The following GRID1 variants were observed in gnomAD, a reference collection of about 807,000 sequenced individuals.
GRID1 encodes the protein glutamate ionotropic receptor delta type subunit 1.
GRID1 carries 28 observed loss-of-function variants against 98.0 expected under a neutral mutation model. The observed-to-expected ratio is 0.29, with a 90% CI of 0.21 to 0.39. The LOEUF (loss-of-function observed/expected upper bound fraction) is 0.39, where lower values mean the gene tolerates loss of function less well. GRID1 is among the 10% of genes least tolerant of loss of function. The pLI, the probability that GRID1 is intolerant of heterozygous loss-of-function variation, is 1.00. For synonymous variants in GRID1, 553 were observed against 538.5 expected, an observed-to-expected ratio of 1.03 and a Z score of -0.37; for missense variants, 1,111 against 1,340.5, an observed-to-expected ratio of 0.83 and a Z score of 2.67.
chr10:85,818,968 G>A (rs1417040591), intron 8 of GRID1, among the ~76,000 whole-genome samples: 3 of 152,046 alleles, frequency 2.0e-5, no homozygotes, highest in African/African-American at 4.8e-5. Flanking sequence ...TGATCCGCCC[G>A]CCTCAGCCTC....
intron 8 of GRID1, among the ~76,000 whole-genome samples, chr10:85,812,038 T>A (rs1001693533): frequency 6.6e-6 from 1 of 151,966 alleles, no homozygotes; most frequent in African/African-American, 2.4e-5. Flanking sequence ...CAGAAAAGAA[T>A]GGAATAATTT....
chr10:85,756,619 AC>A (rs1842101206), intron 8 of GRID1, among the ~76,000 whole-genome samples: 1 of 152,244 alleles, frequency 6.6e-6, no homozygotes, highest in Non-Finnish European at 1.5e-5. Flanking sequence ...AGACTTCATC[AC>A]GTTACTTAAA....
Position 86,274,714 on chromosome 10 carries a change from T to C in GRID1, c.236-68066A>G, listed in dbSNP as rs1176836568. On this transcript the variant is annotated intron_variant, in intron 2 of 15. Transcript: ENST00000327946. Reference sequence around the variant, plus strand: ...CACTCATGATTTGGCTCTCTGTTTGTCTGTTATTGGTGTATAAGAATGCTT... The same window carrying C: ...CACTCATGATTTGGCTCTCTGTTTGCCTGTTATTGGTGTATAAGAATGCTT... Among the ~76,000 whole-genome samples, 3 of 151,824 alleles carry C rather than the reference T, an allele frequency of 2.0e-5. No homozygotes were observed. The East Asian group carries it at 5.8e-4, about 29-fold the overall frequency.
At chr10:85,919,876 G>A (rs1841677529) in intron 4 of GRID1, among the ~76,000 whole-genome samples, 1 of 152,186 alleles carries the variant, frequency 6.6e-6, no homozygotes, top group Admixed American at 6.5e-5. Context: ...TCTGCCCACA[G>A]TCCCTGTGAA....
At chr10:86,304,045 G>A (rs763544201) in intron 2 of GRID1, among the ~76,000 whole-genome samples, 1 of 152,166 alleles carries the variant, frequency 6.6e-6, no homozygotes, top group Non-Finnish European at 1.5e-5. Context: ...CTTGCAGGCT[G>A]TGAAGCCCCC....
At chr10:85,891,385 A>G (rs1210945371) in intron 5 of GRID1, among the ~76,000 whole-genome samples, 2 of 152,144 alleles carry the variant, frequency 1.3e-5, no homozygotes, top group Non-Finnish European at 2.9e-5. Context: ...TCTGAACAAG[A>G]CCCAATTTTG....
chr10:85,614,624 G>A (rs1440537602), intron 14 of GRID1, among the ~76,000 whole-genome samples: 22 of 151,988 alleles, frequency 1.4e-4, no homozygotes, highest in Non-Finnish European at 4.4e-5. Context: ...AGTCATGTCT[G>A]GGGTAGCACT....
chr10:86,315,074 T>A (rs1847880446), intron 2 of GRID1, among the ~76,000 whole-genome samples: 1 of 152,134 alleles, frequency 6.6e-6, no homozygotes, highest in Non-Finnish European at 1.5e-5. Flanking sequence ...CCTGCTTCCA[T>A]CAAGCTTCCA....
intron 3 of GRID1, among the ~76,000 whole-genome samples, chr10:86,145,347 G>A (rs761327658): frequency 5.9e-5 from 9 of 151,978 alleles, no homozygotes; most frequent in African/African-American, 1.7e-4. Context: ...CTCAGCCTCC[G>A]GAGTAGCTGG....
chr10:85,750,521 A>G (rs978314995), intron 8 of GRID1, among the ~76,000 whole-genome samples: 3 of 152,222 alleles, frequency 2.0e-5, no homozygotes, highest in African/African-American at 4.8e-5. Flanking sequence ...AATATGTCCA[A>G]TCTAATAACA....
intron 3 of GRID1, among the ~76,000 whole-genome samples, chr10:86,146,979 G>A (rs1434409688): frequency 6.6e-6 from 1 of 152,242 alleles, no homozygotes; most frequent in Non-Finnish European, 1.5e-5. Context: ...ACATCCAGCA[G>A]CTGTTGGTAA....
intron 2 of GRID1, among the ~76,000 whole-genome samples, chr10:86,300,203 A>C (rs1398499720): frequency 6.6e-6 from 1 of 152,038 alleles, no homozygotes; most frequent in Admixed American, 6.5e-5. Flanking sequence ...ACCAGAAGCC[A>C]CAGAAGCTAC....
intron 3 of GRID1, among the ~76,000 whole-genome samples, chr10:86,193,957 C>A (rs1012812234): frequency 3.3e-5 from 5 of 152,066 alleles, no homozygotes; most frequent in Non-Finnish European, 7.4e-5. Flanking sequence ...GCCCTTGCTG[C>A]ATTTTATCTG....
intron 2 of GRID1, among the ~76,000 whole-genome samples, chr10:86,289,143 G>T (rs555528372): frequency 1.3e-5 from 2 of 152,276 alleles, no homozygotes; most frequent in Admixed American, 1.3e-4. Flanking sequence ...TGGACCCCCA[G>T]TGCTGGTTGG....
chr10:86,354,606 G>A (rs1354530186), intron 2 of GRID1, among the ~76,000 whole-genome samples: 2 of 152,214 alleles, frequency 1.3e-5, no homozygotes, highest in Admixed American at 1.3e-4. Flanking sequence ...GAGGGAATGC[G>A]ATCTGTTCAA....
At chr10:86,196,781 G>T (rs1845879008) in intron 3 of GRID1, among the ~76,000 whole-genome samples, 1 of 152,120 alleles carries the variant, frequency 6.6e-6, no homozygotes, top group African/African-American at 2.4e-5. Context: ...CAGAAACACA[G>T]CAGGCTGAAC....
chr10:85,866,445 A>AT (rs5786723), intron 6 of GRID1, among the ~76,000 whole-genome samples: 4,880 of 148,710 alleles, frequency 0.033, 124 homozygotes, highest in Non-Finnish European at 0.05. Flanking sequence ...TTTATTTGGG[A>AT]TTTTTTTTTT....
chr10:85,817,636 G>A (rs1842727750), intron 8 of GRID1, among the ~76,000 whole-genome samples: 1 of 152,208 alleles, frequency 6.6e-6, no homozygotes, highest in African/African-American at 2.4e-5. Flanking sequence ...GCTCACGCCT[G>A]TAATCCCAGC....
intron 4 of GRID1, among the ~76,000 whole-genome samples, chr10:85,981,562 C>A (rs995997906): frequency 6.6e-6 from 1 of 152,192 alleles, no homozygotes; most frequent in African/African-American, 2.4e-5. Flanking sequence ...TGCCTTCTTG[C>A]CCCGGGCTCT....
Sources: allele counts gnomAD v4.1 joint callset (sites outside exome capture counted in the v4.1 genomes callset), GRCh38; gene constraint gnomAD v4.1.1; transcripts MANE v1.5; gene names NCBI Gene and HGNC (gene_info 2026-07-23, HGNC 2026-07-21).